The following EGFLAM variants were observed in gnomAD, a reference collection of about 807,000 sequenced individuals.
The protein encoded by EGFLAM is pikachurin.
A neutral mutation model predicts 113.1 loss-of-function variants in EGFLAM; 79 were observed. That is an observed-to-expected ratio of 0.70 (90% CI 0.58 to 0.84). The LOEUF is 0.84. Among genes scored for constraint, EGFLAM ranks in the 40% least tolerant of loss-of-function variants. The pLI is 0.00. For synonymous variants in EGFLAM, 504 were observed against 487.6 expected (o/e 1.03, Z -0.44); for missense variants, 1,265 against 1,291.6 (o/e 0.98, Z 0.32).
At chr5:38,456,683 A>C (rs1014212465) in intron 19 of EGFLAM, among the ~76,000 whole-genome samples, 1 of 152,176 alleles carries the variant, frequency 6.6e-6, no homozygotes, top group Non-Finnish European at 1.5e-5. Flanking sequence ...CTTTCTCTGG[A>C]GAAAGCCAAG....
At chr5:38,462,794 C>A in intron 20 of EGFLAM, 114 bp from the exon 21 acceptor site, 2 of 1,177,932 alleles carry the variant, frequency 1.7e-6, no homozygotes, top group Admixed American at 2.0e-5. Flanking sequence ...TCATTTAGCA[C>A]AGTACCTGGC....
chr5:38,449,097 C>T (rs916722429), intron 18 of EGFLAM, among the ~76,000 whole-genome samples: 15 of 145,450 alleles, frequency 1.0e-4, no homozygotes, highest in African/African-American at 4.2e-4. Context: ...TCAGTTTGCC[C>T]CTTATCTCTT....
At chr5:38,278,029 GA>G (rs71270586) in intron 1 of EGFLAM, among the ~76,000 whole-genome samples, 62,660 of 149,954 alleles carry the variant, frequency 0.42, 13,484 homozygotes, top group Middle Eastern at 0.57. Context: ...CACAGAAATA[GA>G]AAAAAAAAAT....
At chr5:38,462,737 T>C (rs1237309826) in intron 20 of EGFLAM, 171 bp from the exon 21 acceptor site, 1 of 669,314 alleles carries the variant, frequency 1.5e-6, no homozygotes, top group Non-Finnish European at 2.5e-6. Flanking sequence ...GACCACAGGC[T>C]CCTGAGGGCC....
chr5:38,376,935 G>T (rs995745998), intron 6 of EGFLAM, among the ~76,000 whole-genome samples: 1 of 152,268 alleles, frequency 6.6e-6, no homozygotes, highest in South Asian at 2.1e-4. Context: ...CTCCCAAAGT[G>T]CTGGGATTAC....
At chr5:38,435,798 G>T (rs10070200) in intron 16 of EGFLAM, among the ~76,000 whole-genome samples, 8,517 of 145,850 alleles carry the variant, frequency 0.058, 449 homozygotes, top group African/African-American at 0.14. Context: ...TGACTCCCCC[G>T]GCTCTCTCTT....
intron 3 of EGFLAM, chr5:38,345,865 G>C (rs545459388): frequency 6.6e-6 from 1 of 152,308 alleles, no homozygotes; most frequent in African/African-American, 2.4e-5. Flanking sequence ...AAAGATTTAT[G>C]CTGTGTGGTA....
intron 1 of EGFLAM, among the ~76,000 whole-genome samples, chr5:38,298,175 A>G (rs1283772220): frequency 6.6e-6 from 1 of 152,174 alleles, no homozygotes; most frequent in Non-Finnish European, 1.5e-5. Flanking sequence ...GGCTGGGAAC[A>G]TTTACTAGCA....
At chr5:38,430,102 G>C in intron 14 of EGFLAM, 1 of 228,856 alleles carries the variant, frequency 4.4e-6, no homozygotes, top group Non-Finnish European at 9.2e-6. Flanking sequence ...ACAGCTTTGC[G>C]TCGGAGTAGC....
At position 38,438,289 on chromosome 5, in the gene EGFLAM, C is replaced by G; in HGVS notation, c.2298C>G (p.Asp766Glu). 1 of 1,613,110 alleles carries G rather than the reference C, an allele frequency of 6.2e-7. No homozygotes were observed. Among genetic ancestry groups the G allele is most frequent in the Non-Finnish European group, 8.5e-7 (1 of 1,179,448 alleles). Residue 766 changes from aspartate to glutamate, a missense_variant, in exon 17 of 22, where the codon GAC (aspartate) becomes GAG (glutamate). Coordinates refer to ENST00000322350, the MANE Select transcript of EGFLAM (RefSeq NM_152403.4). ...SGSIQKIILN[D>E]RTIHVKHDFT... ...TCTCTCTCAAGATCATCCTGAATGA[C>G]CGAACCATCCATGTGAAGCATGACT...
chr5:38,383,076 T>C (rs1349023559), intron 6 of EGFLAM, among the ~76,000 whole-genome samples: 2 of 152,202 alleles, frequency 1.3e-5, no homozygotes, highest in Non-Finnish European at 2.9e-5. Context: ...TGGAGTCACC[T>C]GAAGTGGTTG....
At chr5:38,349,288 G>T (rs1739554006) in intron 3 of EGFLAM, among the ~76,000 whole-genome samples, 1 of 152,190 alleles carries the variant, frequency 6.6e-6, no homozygotes, top group African/African-American at 2.4e-5. Context: ...CACCAGACCT[G>T]CATGGTCAGG....
intron 6 of EGFLAM, chr5:38,401,142 A>C (rs1741101224): frequency 6.6e-6 from 1 of 152,158 alleles, no homozygotes; most frequent in Admixed American, 6.5e-5. Flanking sequence ...TTCCATTCTC[A>C]TTATGGTATC....
At chr5:38,406,761 A>G in intron 7 of EGFLAM, 67 bp from the exon 8 acceptor site, 1 of 1,473,584 alleles carries the variant, frequency 6.8e-7, no homozygotes, top group Non-Finnish European at 9.3e-7. Context: ...GGCAACAACT[A>G]TAAATAAAAC....
intron 6 of EGFLAM, among the ~76,000 whole-genome samples, chr5:38,372,492 C>T (rs1740250381): frequency 6.6e-6 from 1 of 152,204 alleles, no homozygotes; most frequent in Admixed American, 6.5e-5. Flanking sequence ...AAACACTGAT[C>T]TGGTCTTAGA....
At chr5:38,447,882 AT>A (rs1742768796) in intron 17 of EGFLAM, among the ~76,000 whole-genome samples, 1 of 152,160 alleles carries the variant, frequency 6.6e-6, no homozygotes, top group Non-Finnish European at 1.5e-5. Flanking sequence ...TCTGCAGCAA[AT>A]TAGCTTTCAA....
intron 1 of EGFLAM, among the ~76,000 whole-genome samples, chr5:38,322,005 G>A (rs754348684): frequency 6.6e-6 from 1 of 152,102 alleles, no homozygotes; most frequent in Non-Finnish European, 1.5e-5. Context: ...CAATTTCTCA[G>A]ACTCCTTGAA....
intron 12 of EGFLAM, among the ~76,000 whole-genome samples, chr5:38,423,072 A>G (rs1448318379): frequency 6.6e-6 from 1 of 152,030 alleles, no homozygotes; most frequent in Non-Finnish European, 1.5e-5. Flanking sequence ...CTTAAATCCA[A>G]CCAAAGCAAC....
rs1391961685 is a variant in EGFLAM at position 38,409,068 on chromosome 5, T to C, written c.1313T>C (p.Met438Thr). 5.7e-6 allele frequency: 9 copies of C among 1,592,884 alleles called. No homozygotes were observed. The highest frequency in any genetic ancestry group is 7.7e-6 in the Non-Finnish European group (9 of 1,168,436). Residue 438 changes from methionine (M) to threonine (T), a missense_variant, in exon 10 of 22, where the codon ATG becomes ACG. Transcript: ENST00000322350. ...GENEHGRGDF[M>T]SLAIIRRSLQ... The stretch of plus-strand genomic sequence containing the variant: ...AACGAACACGGGAGGGGGGATTTCA[T>C]GTCCCTGGCTATCATCCGACGCTCC...
Sources: allele counts gnomAD v4.1 joint callset (sites outside exome capture counted in the v4.1 genomes callset), GRCh38; gene constraint gnomAD v4.1.1; transcripts MANE v1.5; gene names NCBI Gene and HGNC (gene_info 2026-07-23, HGNC 2026-07-21).